Variants in CEP57 observed in about 807,000 individuals in gnomAD.
CEP57 encodes the protein centrosomal protein of 57 kDa.
A neutral mutation model predicts 68.0 loss-of-function variants in CEP57; 40 were observed. The ratio of observed to expected loss-of-function variants is 0.59; its 90% CI spans 0.46 to 0.77. The LOEUF (loss-of-function observed/expected upper bound fraction) is 0.77, where lower values mean the gene tolerates loss of function less well. Among genes scored for constraint, CEP57 ranks in the 30% least tolerant of loss-of-function variants. The pLI, the probability that CEP57 is intolerant of heterozygous loss-of-function variation, is 0.00. For missense variants in CEP57, 606 were observed against 580.7 expected (o/e 1.04, Z -0.45); for synonymous variants, 219 against 198.7 (o/e 1.10, Z -0.86).
At chr11:95,819,019 AC>A in intron 6 of CEP57, 115 bp downstream of exon 6, 1 of 816,256 alleles carries the variant, frequency 1.2e-6, no homozygotes. Context: ...AGTCCAACAT[AC>A]AAATTTTCAG....
chr11:95,790,382 G>A (rs1860953214), upstream of CEP57: 2 of 474,344 alleles, frequency 4.2e-6, no homozygotes, highest in Admixed American at 3.6e-5. Context: ...GCCCCAGCGG[G>A]CCCCGTTACG....
chr11:95,792,522 G>A (rs1861134706), intron 1 of CEP57, among the ~76,000 whole-genome samples: 1 of 152,216 alleles, frequency 6.6e-6, no homozygotes, highest in Non-Finnish European at 1.5e-5. Context: ...GCTGCACTAT[G>A]CCAAGGACAC....
chr11:95,825,142 A>G (rs1036961926), intron 8 of CEP57, among the ~76,000 whole-genome samples: 1 of 152,196 alleles, frequency 6.6e-6, no homozygotes, highest in Non-Finnish European at 1.5e-5. Flanking sequence ...CACATTACAT[A>G]CACTATAAAA....
At chr11:95,792,922 T>TA (rs35157937) in intron 1 of CEP57, among the ~76,000 whole-genome samples, 51,658 of 146,512 alleles carry the variant, frequency 0.35, 9,467 homozygotes, top group Middle Eastern at 0.43. Context: ...AGGCAACATT[T>TA]AAAAAAAAAA....
chr11:95,800,670 A>G (rs1471441359), intron 2 of CEP57, among the ~76,000 whole-genome samples: 1 of 152,142 alleles, frequency 6.6e-6, no homozygotes, highest in Non-Finnish European at 1.5e-5. Context: ...GATTACAGGC[A>G]TGAGCTACCG....
At chr11:95,822,695 GGATCACAGTGATGTGAAAATGA>G in intron 8 of CEP57, 119 bp downstream of exon 8, 2 of 866,072 alleles carry the variant, frequency 2.3e-6, no homozygotes, top group South Asian at 2.8e-5. Context: ...ACCAGTGTGT[GGATCACAGTGATGTGAAAATGA>G]GATGTAGGGA....
At chr11:95,825,471 G>T (rs1005395771) in intron 8 of CEP57, among the ~76,000 whole-genome samples, 1 of 152,150 alleles carries the variant, frequency 6.6e-6, no homozygotes, top group Non-Finnish European at 1.5e-5. Flanking sequence ...GACTGGGATG[G>T]ATAAGAGTGC....
At chr11:95,804,580 G>A (rs1011169636) in intron 2 of CEP57, among the ~76,000 whole-genome samples, 8 of 152,158 alleles carry the variant, frequency 5.3e-5, no homozygotes, top group African/African-American at 1.2e-4. Context: ...ACTGCGGCCC[G>A]TGGTCTCAGG....
chr11:95,818,669 T>TC (rs1348118856), intron 5 of CEP57, among the ~76,000 whole-genome samples, 158 bp from the exon 6 acceptor site: 1 of 152,172 alleles, frequency 6.6e-6, no homozygotes, highest in Non-Finnish European at 1.5e-5. Context: ...AAGGAGAGCA[T>TC]CATGGATGCC....
chr11:95,831,924 C>T lies in CEP57; in HGVS notation c.*668C>T, dbSNP rs1278516203. Reference sequence around the variant, plus strand: ...ATAAAAGGATTTTTGAAAGTATAAACAAATTGTCAGTGAAATAAATGAGAT... The same window carrying T: ...ATAAAAGGATTTTTGAAAGTATAAATAAATTGTCAGTGAAATAAATGAGAT... On this transcript the variant is annotated 3_prime_UTR_variant, in exon 11 of 11. Coordinates refer to ENST00000325542, the MANE Select transcript of CEP57 (RefSeq NM_014679.5). 6.6e-6 allele frequency: 1 copy of T among 151,918 alleles called. No individual in the cohort carries two copies. Among genetic ancestry groups the T allele is most frequent in the Non-Finnish European group, 1.5e-5 (1 of 67,952 alleles). 9.4% of individuals were successfully genotyped at this position (151,918 alleles called of 1,614,324 possible).
intron 8 of CEP57, among the ~76,000 whole-genome samples, chr11:95,825,464 T>C (rs1225458466): frequency 6.6e-6 from 1 of 152,078 alleles, no homozygotes; most frequent in Admixed American, 6.5e-5. Flanking sequence ...AGAAGATGAC[T>C]GGGATGGATA....
Position 95,831,232 on chromosome 11 carries a change from C to T in CEP57, c.1479C>T (p.Ser493=). 3 of 1,612,628 alleles carry T rather than the reference C, an allele frequency of 1.9e-6. No homozygotes were observed. The highest frequency in any genetic ancestry group is 2.7e-5 in the African/African-American group (2 of 74,986). The part of the protein sequence containing the change: ...DMQSIQNSLQ[S]SSLCWDY ...AAAGCATACAGAATTCATTACAAAG[C>T]AGTAGTTTGTGTTGGGATTACTGAC... The change falls in exon 11 of 11, where the codon AGC becomes AGT. Residue 493 remains serine, a synonymous_variant. Coordinates refer to ENST00000325542, the MANE Select transcript of CEP57 (RefSeq NM_014679.5).
intron 4 of CEP57, among the ~76,000 whole-genome samples, chr11:95,814,047 TATTG>T (rs559395730): frequency 6.8e-6 from 1 of 146,504 alleles, no homozygotes; most frequent in Admixed American, 6.9e-5. Flanking sequence ...GTCTCAAATA[TATTG>T]ATTGATCAAT....
At position 95,818,773 on chromosome 11, in the gene CEP57, T is replaced by C. The variant is rs889261108; in HGVS notation, c.622-54T>C. ...GTTCCAGTGCTGCTATATTAAAATTTTACAGACACTTAAGATTTTTCACCT... is the reference window on the plus strand; with the variant it reads ...GTTCCAGTGCTGCTATATTAAAATTCTACAGACACTTAAGATTTTTCACCT... On this transcript the variant is annotated intron_variant, in intron 5 of 10. Coordinates refer to ENST00000325542, the MANE Select transcript of CEP57 (RefSeq NM_014679.5). The C allele has an allele frequency of 6.8e-5, 95 of 1,400,902 alleles. No individual in the cohort carries two copies. The East Asian group carries it at 2.1e-3, about 32-fold the overall frequency. 86.8% of individuals were successfully genotyped at this position (1,400,902 alleles called of 1,614,324 possible). A position where few individuals can be genotyped will look rare whatever the true frequency, so the allele number is the denominator to read the frequency against.
Position 95,821,944 on chromosome 11 carries a change from G to T in CEP57, c.773G>T (p.Arg258Ile), listed in dbSNP as rs1555052317. ...ACTCCGTGTGTTCCCAATGCAAGAAGAATTAAAAAAAAGAAGTCAAAACCA... is the reference window on the plus strand; with the variant it reads ...ACTCCGTGTGTTCCCAATGCAAGAATAATTAAAAAAAAGAAGTCAAAACCA... ...KATPCVPNAR[R>I]IKKKKSKPPE... The change falls in exon 7 of 11, where the codon AGA (arginine) becomes ATA (isoleucine). Residue 258 changes from arginine (R) to isoleucine (I), a missense_variant. Coordinates refer to ENST00000325542, the MANE Select transcript of CEP57 (RefSeq NM_014679.5). The T allele has an allele frequency of 1.9e-6, 3 of 1,612,456 alleles. No individual in the cohort carries two copies. The highest frequency in any genetic ancestry group is 2.5e-6 in the Non-Finnish European group (3 of 1,179,394).
intron 2 of CEP57, among the ~76,000 whole-genome samples, chr11:95,809,198 AAGCAGTGTGTAGAGGGAAATTTAT>A (rs1861943096): frequency 6.6e-6 from 1 of 152,222 alleles, no homozygotes. Context: ...GACACATTCA[AAGCAGTGTGTAGAGGGAAATTTAT>A]AGCACTAAAT....
intron 2 of CEP57, among the ~76,000 whole-genome samples, chr11:95,811,471 C>A (rs1862058749): frequency 6.6e-6 from 1 of 150,980 alleles, no homozygotes; most frequent in Non-Finnish European, 1.5e-5. Flanking sequence ...AGAAGATATA[C>A]CTAATGTAAA....
intron 6 of CEP57, among the ~76,000 whole-genome samples, chr11:95,820,946 C>G (rs1042768121): frequency 1.3e-5 from 2 of 152,208 alleles, no homozygotes; most frequent in Non-Finnish European, 2.9e-5. Flanking sequence ...AAGCTGCACT[C>G]ATGTGGGAAG....
intron 2 of CEP57, among the ~76,000 whole-genome samples, chr11:95,809,255 G>A (rs1483439445): frequency 6.6e-6 from 1 of 152,052 alleles, no homozygotes; most frequent in Non-Finnish European, 1.5e-5. Context: ...AAGCAGGAAA[G>A]ATCTAAAATT....
Sources: gnomAD v4.1 joint callset for allele counts (sites outside exome capture counted in the v4.1 genomes callset) on GRCh38, gnomAD v4.1.1 for gene constraint, MANE v1.5 for transcripts, NCBI Gene and HGNC (gene_info 2026-07-23, HGNC 2026-07-21) for gene names.